The following TRIM55 variants were observed in gnomAD, a reference collection of about 807,000 sequenced individuals.
TRIM55 encodes tripartite motif containing 55.
A neutral mutation model predicts 60.9 loss-of-function variants in TRIM55; 50 were observed. That is an observed-to-expected ratio of 0.82 (90% confidence interval 0.65 to 1.04). The LOEUF (loss-of-function observed/expected upper bound fraction) is 1.04, where lower values mean the gene tolerates loss of function less well. Among genes scored for constraint, TRIM55 ranks in the 50% least tolerant of loss-of-function variants. The pLI is 0.00. For missense variants in TRIM55, 681 were observed against 666.9 expected, an observed-to-expected ratio of 1.02 and a Z score of -0.23; for synonymous variants, 237 against 238.1, an observed-to-expected ratio of 1.00 and a Z score of 0.04.
chr8:66,121,461 G>C, the TRIM55 span, among the ~76,000 whole-genome samples: 1 of 152,140 alleles, frequency 6.6e-6, no homozygotes, highest in African/African-American at 2.4e-5. Context: ...ACTACACTTT[G>C]TTGAATTAAG....
chr8:66,160,356 G>GGTGTGT (rs35422649), intron 9 of TRIM55, among the ~76,000 whole-genome samples: 8,125 of 145,994 alleles, frequency 0.056, 711 homozygotes, highest in African/African-American at 0.19. Flanking sequence ...AGTATTCCAT[G>GGTGTGT]GTGTGTGTGT....
At chr8:66,126,920 C>T (rs758615654), upstream of TRIM55, 14 of 191,364 alleles carry the variant, frequency 7.3e-5, no homozygotes, top group African/African-American at 1.6e-4. Flanking sequence ...CTGTCAGCTT[C>T]GACCTCCTTC....
At chr8:66,133,380 G>A (rs761758370) in intron 2 of TRIM55, among the ~76,000 whole-genome samples, 4 of 151,692 alleles carry the variant, frequency 2.6e-5, no homozygotes, top group Non-Finnish European at 5.9e-5. Flanking sequence ...GCACTGTTCC[G>A]AGTACTGGAG....
chr8:66,148,331 G>A (rs1020286767), intron 4 of TRIM55, among the ~76,000 whole-genome samples: 3 of 152,230 alleles, frequency 2.0e-5, no homozygotes, highest in Admixed American at 1.3e-4. Flanking sequence ...TTCCAACACA[G>A]CCTTTCTCTC....
upstream of TRIM55, among the ~76,000 whole-genome samples, chr8:66,123,098 C>T (rs1808695077): frequency 6.6e-6 from 1 of 152,164 alleles, no homozygotes; most frequent in Non-Finnish European, 1.5e-5. Context: ...GGGCATTGGT[C>T]TTCACAACCC....
the TRIM55 span, chr8:66,114,947 A>C: frequency 5.7e-6 from 1 of 176,778 alleles, no homozygotes; most frequent in Non-Finnish European, 1.2e-5. Flanking sequence ...AATTTTGTGA[A>C]GCAAACACAA....
chr8:66,150,544 G>A, intron 7 of TRIM55, 78 bp downstream of exon 7: 1 of 1,553,130 alleles, frequency 6.4e-7, no homozygotes, highest in Non-Finnish European at 8.8e-7. Flanking sequence ...GAGGAAAGCG[G>A]GGATTCAGAA....
intron 2 of TRIM55, among the ~76,000 whole-genome samples, chr8:66,134,331 A>G (rs1047401330): frequency 2.0e-5 from 3 of 152,214 alleles, no homozygotes; most frequent in African/African-American, 7.2e-5. Flanking sequence ...TTATATAAGG[A>G]GGTACACCCA....
intron 2 of TRIM55, among the ~76,000 whole-genome samples, chr8:66,128,949 G>A (rs758174329): frequency 3.3e-5 from 5 of 151,978 alleles, no homozygotes; most frequent in Non-Finnish European, 7.4e-5. Context: ...TTGTTTGGAT[G>A]ATAATAAAAA....
chr8:66,136,862 A>T (rs1166641150), intron 3 of TRIM55, among the ~76,000 whole-genome samples: 2 of 152,194 alleles, frequency 1.3e-5, no homozygotes, highest in Non-Finnish European at 2.9e-5. Flanking sequence ...TAGCTTGAAC[A>T]TGTTGATCTT....
At chr8:66,114,186 C>T in the TRIM55 span, among the ~76,000 whole-genome samples, 33 of 151,362 alleles carry the variant, frequency 2.2e-4, no homozygotes, top group African/African-American at 4.4e-4. Flanking sequence ...CGTGCCCAGC[C>T]GTGGGGGATT....
At chr8:66,142,358 G>A (rs752369455) in intron 4 of TRIM55, among the ~76,000 whole-genome samples, 17 of 152,152 alleles carry the variant, frequency 1.1e-4, no homozygotes, top group East Asian at 3.8e-4. Context: ...AATGACTTCC[G>A]TTATTTATCT....
chr8:66,166,678 G>A (rs996638676), intron 9 of TRIM55, among the ~76,000 whole-genome samples: 1 of 152,208 alleles, frequency 6.6e-6, no homozygotes, highest in Non-Finnish European at 1.5e-5. Flanking sequence ...AGTAGGAACT[G>A]TTAAACTTTC....
At position 66,154,195 on chromosome 8, in the gene TRIM55, G is replaced by A. The variant is rs199654819; in HGVS notation, c.1385G>A (p.Gly462Glu). ...KATTNPPCTP[G>E]SEGLGQIGPP... is the part of the protein sequence containing the mutation. ...ACCACCAACCCACCTTGCACCCCAGGGAGCGAAGGTCTGGGGCAAATAGGG... is the reference window on the plus strand; with the variant it reads ...ACCACCAACCCACCTTGCACCCCAGAGAGCGAAGGTCTGGGGCAAATAGGG... The change falls in exon 9 of 10, where the codon GGG becomes GAG. Residue 462 changes from glycine (G) to glutamate (E), a missense_variant. Transcript: ENST00000315962. 1.2e-6 allele frequency: 2 copies of A among 1,614,040 alleles called. No individual in the cohort carries two copies. The highest frequency in any genetic ancestry group is 4.5e-5 in the East Asian group (2 of 44,874).
the TRIM55 span, among the ~76,000 whole-genome samples, chr8:66,116,229 T>C: frequency 2.0e-5 from 3 of 152,158 alleles, no homozygotes. Flanking sequence ...AGAACTTATA[T>C]TGACATGGGA....
At chr8:66,120,398 A>T in the TRIM55 span, among the ~76,000 whole-genome samples, 1 of 152,186 alleles carries the variant, frequency 6.6e-6, no homozygotes, top group African/African-American at 2.4e-5. Flanking sequence ...TGCTAATGAG[A>T]TAACTATGGA....
chr8:66,118,168 CAAAAAAAAAAAAA>C, the TRIM55 span, among the ~76,000 whole-genome samples: 9 of 39,892 alleles, frequency 2.3e-4, no homozygotes, highest in Non-Finnish European at 4.1e-4. Flanking sequence ...GACTCCGTCT[CAAAAAAAAAAAAA>C]AAAAAAAAAA....
chr8:66,154,473 TC>T, intron 9 of TRIM55, 139 bp downstream of exon 9: 1 of 923,718 alleles, frequency 1.1e-6, no homozygotes, highest in Non-Finnish European at 1.6e-6. Context: ...AAACAATTCA[TC>T]CCCCAATGTT....
At chr8:66,169,244 T>C (rs1032231297) in intron 9 of TRIM55, among the ~76,000 whole-genome samples, 33 of 152,016 alleles carry the variant, frequency 2.2e-4, no homozygotes, top group Non-Finnish European at 5.9e-5. Flanking sequence ...TGAGATGCAT[T>C]TGGGGTAAAG....
Sources: gnomAD v4.1 joint callset for allele counts (sites outside exome capture counted in the v4.1 genomes callset) on GRCh38, gnomAD v4.1.1 for gene constraint, MANE v1.5 for transcripts, NCBI Gene and HGNC (gene_info 2026-07-23, HGNC 2026-07-21) for gene names.